Variants in CCDC60 observed in about 807,000 individuals in gnomAD.
CCDC60 encodes the protein coiled-coil domain containing 60.
A neutral mutation model predicts 63.5 loss-of-function variants in CCDC60; 54 were observed. The ratio of observed to expected loss-of-function variants is 0.85; its 90% CI spans 0.68 to 1.07. The LOEUF (loss-of-function observed/expected upper bound fraction) is 1.07. CCDC60 is among the 50% of genes least tolerant of loss of function. The pLI is 0.00. For synonymous variants in CCDC60, 206 were observed against 238.8 expected (o/e 0.86, Z 1.27); for missense variants, 651 against 684.3 (o/e 0.95, Z 0.54).
chr12:119,528,770 A>G, intron 12 of CCDC60, 24 bp downstream of exon 12: 2 of 1,608,596 alleles, frequency 1.2e-6, no homozygotes, highest in Non-Finnish European at 1.7e-6. Context: ...GAACCAGATA[A>G]GATGGTCCCT....
intron 1 of CCDC60, among the ~76,000 whole-genome samples, chr12:119,416,545 A>C (rs1343532126): frequency 6.6e-6 from 1 of 152,200 alleles, no homozygotes; most frequent in Non-Finnish European, 1.5e-5. Context: ...AAGAACAAAT[A>C]GAACTTACAC....
At chr12:119,494,638 T>C (rs1446039400) in intron 5 of CCDC60, among the ~76,000 whole-genome samples, 1 of 152,146 alleles carries the variant, frequency 6.6e-6, no homozygotes, top group African/African-American at 2.4e-5. Context: ...CCTTTAGAAA[T>C]ACACATATGA....
chr12:119,448,210 G>A (rs937653241), intron 2 of CCDC60, among the ~76,000 whole-genome samples: 5 of 151,884 alleles, frequency 3.3e-5, no homozygotes, highest in Non-Finnish European at 5.9e-5. Context: ...GACAGCTGAT[G>A]GATATATTAA....
At chr12:119,499,950 G>A (rs957372320) in intron 5 of CCDC60, 128 bp from the exon 6 acceptor site, 3 of 742,396 alleles carry the variant, frequency 4.0e-6, no homozygotes, top group South Asian at 1.5e-5. Flanking sequence ...CACAAGTAGA[G>A]GAGTGGGGGA....
chr12:119,500,213 G>C, intron 6 of CCDC60, 45 bp downstream of exon 6: 3 of 1,317,078 alleles, frequency 2.3e-6, no homozygotes, highest in Non-Finnish European at 3.2e-6. Context: ...CTAGGTCCCA[G>C]CTTGTGTTGA....
chr12:119,445,100 C>G (rs1348856125), intron 2 of CCDC60, among the ~76,000 whole-genome samples: 2 of 152,064 alleles, frequency 1.3e-5, no homozygotes, highest in Non-Finnish European at 2.9e-5. Flanking sequence ...CGAACTTTAT[C>G]TTCCCTAAAT....
intron 2 of CCDC60, among the ~76,000 whole-genome samples, chr12:119,452,814 G>GTT (rs78696291): frequency 0.098 from 14,151 of 144,448 alleles, 824 homozygotes; most frequent in East Asian, 0.3. Context: ...AATTTGGCTT[G>GTT]TTTTTTTTTT....
intron 4 of CCDC60, 30 bp from the exon 5 acceptor site, chr12:119,488,729 C>T: frequency 6.3e-7 from 1 of 1,590,482 alleles, no homozygotes; most frequent in Non-Finnish European, 8.6e-7. Context: ...TAACAGGATC[C>T]CACTGTGTTC....
At chr12:119,466,004 C>G (rs535031206) in intron 2 of CCDC60, among the ~76,000 whole-genome samples, 1 of 152,082 alleles carries the variant, frequency 6.6e-6, no homozygotes, top group Non-Finnish European at 1.5e-5. Context: ...TCAATGGAAA[C>G]GAAACTTTTC....
At chr12:119,446,724 T>A (rs73217290) in intron 2 of CCDC60, among the ~76,000 whole-genome samples, 2 of 152,118 alleles carry the variant, frequency 1.3e-5, no homozygotes. Flanking sequence ...TGGATGTGTG[T>A]GTTTGGGTTC....
intron 4 of CCDC60, among the ~76,000 whole-genome samples, chr12:119,482,009 A>ATATATATGTATACATATATGTATATATAG (rs774808817): frequency 9.8e-5 from 4 of 40,636 alleles, no homozygotes; most frequent in African/African-American, 2.4e-4. Flanking sequence ...TATATATAGT[A>ATATATATGTATACATATATGTATATATAG]TATATATATG....
At chr12:119,435,197 T>C (rs1253789530) in intron 2 of CCDC60, among the ~76,000 whole-genome samples, 1 of 152,208 alleles carries the variant, frequency 6.6e-6, no homozygotes, top group African/African-American at 2.4e-5. Flanking sequence ...GTAGGCACCA[T>C]GTCATGTCCA....
chr12:119,370,410 G>C (rs144893322), intron 1 of CCDC60, among the ~76,000 whole-genome samples: 1 of 152,152 alleles, frequency 6.6e-6, no homozygotes, highest in Non-Finnish European at 1.5e-5. Flanking sequence ...ATATCATGTC[G>C]AGTTGAGAAA....
At chr12:119,421,107 T>G (rs919497787) in intron 1 of CCDC60, among the ~76,000 whole-genome samples, 1 of 152,208 alleles carries the variant, frequency 6.6e-6, no homozygotes, top group African/African-American at 2.4e-5. Flanking sequence ...CCGGGCACAT[T>G]TAACAGGAAT....
At chr12:119,389,314 T>C (rs1956114622) in intron 1 of CCDC60, among the ~76,000 whole-genome samples, 1 of 152,246 alleles carries the variant, frequency 6.6e-6, no homozygotes, top group Admixed American at 6.5e-5. Flanking sequence ...AATAAAGTTA[T>C]ACTGGAACAC....
intron 1 of CCDC60, among the ~76,000 whole-genome samples, chr12:119,360,264 C>T (rs1330065635): frequency 7.6e-4 from 115 of 150,696 alleles, no homozygotes; most frequent in Middle Eastern, 3.5e-3. Flanking sequence ...CCTCACCTCC[C>T]GGACGGGGCG....
intron 2 of CCDC60, among the ~76,000 whole-genome samples, chr12:119,442,029 G>GA (rs1424206127): frequency 4.6e-5 from 7 of 151,948 alleles, no homozygotes; most frequent in Admixed American, 1.3e-4. Flanking sequence ...AGAAAAGCTA[G>GA]AAAATATCAA....
At chr12:119,418,382 C>CTTTTTT (rs1202154024) in intron 1 of CCDC60, among the ~76,000 whole-genome samples, 1 of 60,726 alleles carries the variant, frequency 1.6e-5, no homozygotes, top group Non-Finnish European at 3.7e-5. Context: ...CCTTTTCTTT[C>CTTTTTT]TTTCTTTTTT....
At chr12:119,360,963 G>A (rs535263692) in intron 1 of CCDC60, among the ~76,000 whole-genome samples, 2 of 152,102 alleles carry the variant, frequency 1.3e-5, no homozygotes, top group African/African-American at 4.8e-5. Flanking sequence ...ACGAAACCCC[G>A]TCTCCACCAA....
Sources: gnomAD v4.1 joint callset for allele counts (sites outside exome capture counted in the v4.1 genomes callset) on GRCh38, gnomAD v4.1.1 for gene constraint, MANE v1.5 for transcripts, NCBI Gene and HGNC (gene_info 2026-07-23, HGNC 2026-07-21) for gene names.